DSCAM: variants seen among roughly 807,000 people sequenced by gnomAD.
The protein encoded by DSCAM is cell adhesion molecule DSCAM.
In DSCAM, 47 loss-of-function variants were observed where a neutral mutation model predicts 217.7. That is an observed-to-expected ratio of 0.22 (90% CI 0.17 to 0.28). DSCAM has a LOEUF of 0.28. Ranked by LOEUF, DSCAM falls within the 10% of genes least tolerant of loss-of-function variation. The pLI is 1.00. For synonymous variants in DSCAM, 1,056 were observed against 1,015.3 expected (o/e 1.04, Z -0.76); for missense variants, 2,080 against 2,618.3 (o/e 0.79, Z 4.49).
At chr21:40,330,350 TATA>T (rs540671352) in intron 8 of DSCAM, among the ~76,000 whole-genome samples, 37 of 146,664 alleles carry the variant, frequency 2.5e-4, no homozygotes, top group Middle Eastern at 7.3e-3. Flanking sequence ...TATATTTATA[TATA>T]ATAAATTATG....
chr21:40,645,296 G>A (rs1601818248), intron 3 of DSCAM, among the ~76,000 whole-genome samples: 2 of 152,180 alleles, frequency 1.3e-5, no homozygotes, highest in East Asian at 3.9e-4. Flanking sequence ...TGCTACACAG[G>A]CATCCGAAAC....
chr21:40,373,426 G>T (rs569579540), intron 3 of DSCAM, among the ~76,000 whole-genome samples: 1 of 152,086 alleles, frequency 6.6e-6, no homozygotes, highest in Non-Finnish European at 1.5e-5. Flanking sequence ...AATCTAAACA[G>T]ATTTGAGCCT....
intron 23 of DSCAM, among the ~76,000 whole-genome samples, chr21:40,084,300 T>C (rs1163022965): frequency 6.6e-6 from 1 of 152,182 alleles, no homozygotes; most frequent in Non-Finnish European, 1.5e-5. Flanking sequence ...TTATCACTAA[T>C]TGAAATCTTC....
chr21:40,433,251 A>T (rs1196803688), intron 3 of DSCAM, among the ~76,000 whole-genome samples: 1 of 150,026 alleles, frequency 6.7e-6, no homozygotes, highest in African/African-American at 2.4e-5. Context: ...CGGGAGGCTG[A>T]GGCAGAAGAA....
intron 19 of DSCAM, among the ~76,000 whole-genome samples, chr21:40,130,655 C>T (rs2090145683): frequency 6.6e-6 from 1 of 152,088 alleles, no homozygotes; most frequent in African/African-American, 2.4e-5. Flanking sequence ...ATGTCCATGG[C>T]CCTGAGATTA....
intron 3 of DSCAM, among the ~76,000 whole-genome samples, chr21:40,617,349 C>A (rs1274684217): frequency 1.3e-5 from 2 of 152,002 alleles, no homozygotes; most frequent in Non-Finnish European, 2.9e-5. Context: ...TGGTCTCGAT[C>A]TCCTGACCTC....
chr21:40,544,006 G>A (rs1172727923), intron 3 of DSCAM, among the ~76,000 whole-genome samples: 1 of 152,150 alleles, frequency 6.6e-6, no homozygotes, highest in African/African-American at 2.4e-5. Context: ...TCCATAGACA[G>A]TAAGTGCCAA....
intron 7 of DSCAM, among the ~76,000 whole-genome samples, 186 bp downstream of exon 7, chr21:40,338,933 C>G (rs926161461): frequency 2.6e-5 from 4 of 152,146 alleles, no homozygotes; most frequent in African/African-American, 9.7e-5. Context: ...ACTACAGAAA[C>G]CAAAATGCCA....
At chr21:40,475,775 G>C (rs976367881) in intron 3 of DSCAM, among the ~76,000 whole-genome samples, 1 of 152,114 alleles carries the variant, frequency 6.6e-6, no homozygotes. Flanking sequence ...AGGTTGCAGT[G>C]AGCCTAGATC....
At chr21:40,555,823 G>A (rs760979770) in intron 3 of DSCAM, among the ~76,000 whole-genome samples, 11 of 151,970 alleles carry the variant, frequency 7.2e-5, no homozygotes, top group African/African-American at 2.4e-4. Context: ...TTTTTGCAGC[G>A]ATGGGGTCTT....
At chr21:40,423,478 A>G (rs2075444101) in intron 3 of DSCAM, among the ~76,000 whole-genome samples, 1 of 152,206 alleles carries the variant, frequency 6.6e-6, no homozygotes, top group Admixed American at 6.5e-5. Context: ...GCGAAGAGTC[A>G]TGGGAAAGGG....
At chr21:40,544,301 T>C (rs1159885828) in intron 3 of DSCAM, among the ~76,000 whole-genome samples, 1 of 152,170 alleles carries the variant, frequency 6.6e-6, no homozygotes, top group Admixed American at 6.5e-5. Flanking sequence ...AAACTTCACA[T>C]GAATAGCAGC....
chr21:40,017,228 AT>A (rs750675273), intron 32 of DSCAM, among the ~76,000 whole-genome samples: 1 of 152,120 alleles, frequency 6.6e-6, no homozygotes, highest in Admixed American at 6.5e-5. Context: ...CGTCTTGAAA[AT>A]TTTTTTCCGC....
intron 11 of DSCAM, among the ~76,000 whole-genome samples, chr21:40,232,698 T>C (rs1317728924): frequency 6.6e-6 from 1 of 152,174 alleles, no homozygotes; most frequent in Non-Finnish European, 1.5e-5. Flanking sequence ...AGTTTAGCTG[T>C]AATTTTTATG....
chr21:40,141,975 T>TACACACACACACACACACACACACAC (rs72076559), intron 18 of DSCAM, among the ~76,000 whole-genome samples: 49 of 143,200 alleles, frequency 3.4e-4, no homozygotes, highest in South Asian at 1.1e-3. Flanking sequence ...CCACTTGAAA[T>TACACACACACACACACACACACACAC]ACACACACAC....
At chr21:40,244,941 G>A (rs1420448109) in intron 11 of DSCAM, among the ~76,000 whole-genome samples, 1 of 152,076 alleles carries the variant, frequency 6.6e-6, no homozygotes, top group African/African-American at 2.4e-5. Flanking sequence ...GACTGCCAAG[G>A]GCTTGACTTC....
intron 3 of DSCAM, among the ~76,000 whole-genome samples, chr21:40,661,034 C>T (rs545194758): frequency 3.3e-5 from 5 of 152,282 alleles, no homozygotes; most frequent in African/African-American, 1.2e-4. Flanking sequence ...TACATTTGAA[C>T]ACCCCAGGCT....
rs190886165 is a variant in DSCAM at position 40,178,869 on chromosome 21, C to G, written c.2947+58G>C. ...CTGCTTCTGCATTTAAGCATCTGAG[C>G]CCTCAAGAGTTAGCTCCCGGGCTCC... is the stretch of plus-strand genomic sequence containing the variant. On this transcript the variant is annotated intron_variant, in intron 15 of 32. Coordinates refer to ENST00000400454, the MANE Select transcript of DSCAM (RefSeq NM_001389.5). 142 of 1,604,682 alleles carry G rather than the reference C, an allele frequency of 8.8e-5. No homozygotes were observed. In the African/African-American group the frequency reaches 1.6e-3, roughly 19 times the overall value.
At chr21:40,593,573 T>C (rs2076999376) in intron 3 of DSCAM, among the ~76,000 whole-genome samples, 1 of 152,222 alleles carries the variant, frequency 6.6e-6, no homozygotes, top group Non-Finnish European at 1.5e-5. Context: ...CTTGAGCTCC[T>C]GACCTCAAGT....
Sources: gnomAD v4.1 joint callset for allele counts (sites outside exome capture counted in the v4.1 genomes callset) on GRCh38, gnomAD v4.1.1 for gene constraint, MANE v1.5 for transcripts, NCBI Gene and HGNC (gene_info 2026-07-23, HGNC 2026-07-21) for gene names.